Variants in FANCB observed in about 807,000 individuals in gnomAD.
FANCB encodes the protein FA complementation group B.
Under a neutral mutation model 38.9 loss-of-function variants are expected in FANCB, and 5 were observed. The observed-to-expected ratio is 0.13, with a 90% CI of 0.07 to 0.27. FANCB has a LOEUF of 0.27. Among genes scored for constraint, FANCB ranks in the 10% least tolerant of loss-of-function variants. The pLI, the probability that FANCB is intolerant of heterozygous loss-of-function variation, is 1.00. For synonymous variants in FANCB, 236 were observed against 215.4 expected (o/e 1.10, Z -0.84); for missense variants, 573 against 602.7 (o/e 0.95, Z 0.52).
chrX:14,732,049 G>T, the FANCB span, among the ~76,000 whole-genome samples: 1 of 104,005 alleles, frequency 9.6e-6, no homozygotes, highest in Non-Finnish European at 2.0e-5. Context: ...CGACCCCCCC[G>T]ACAGGCCCTG....
the FANCB span, among the ~76,000 whole-genome samples, chrX:14,706,906 T>A: frequency 8.9e-6 from 1 of 112,351 alleles, no homozygotes; most frequent in East Asian, 2.8e-4. Flanking sequence ...AGGGAGTTTA[T>A]AAGGTTTGCT....
At chrX:14,728,444 G>A in the FANCB span, among the ~76,000 whole-genome samples, 1 of 111,686 alleles carries the variant, frequency 9.0e-6, no homozygotes, top group African/African-American at 3.3e-5. Context: ...AGCACTAGGT[G>A]CAGTCATTAA....
chrX:14,856,200 TAG>T (rs2092422532), intron 5 of FANCB, among the ~76,000 whole-genome samples: 1 of 111,977 alleles, frequency 8.9e-6, no homozygotes, highest in Non-Finnish European at 1.9e-5. Context: ...ACCAATATTG[TAG>T]TTTATAAATA....
At chrX:14,812,021 C>A in the FANCB span, among the ~76,000 whole-genome samples, 2 of 111,248 alleles carry the variant, frequency 1.8e-5, no homozygotes, top group Non-Finnish European at 3.8e-5. Context: ...CATTCCAAAC[C>A]GCTCAACTAC....
the FANCB span, among the ~76,000 whole-genome samples, chrX:14,761,133 T>G: frequency 6.2e-5 from 7 of 112,132 alleles, no homozygotes; most frequent in African/African-American, 2.3e-4. Context: ...TTGAATTTTA[T>G]CCCTATAGAG....
chrX:14,795,755 T>C, the FANCB span, among the ~76,000 whole-genome samples: 1 of 112,010 alleles, frequency 8.9e-6, no homozygotes, highest in Admixed American at 9.5e-5. Context: ...CAAAGATGTC[T>C]ACACCATAAA....
At chrX:14,706,786 C>G in the FANCB span, among the ~76,000 whole-genome samples, 1 of 112,263 alleles carries the variant, frequency 8.9e-6, no homozygotes, top group East Asian at 2.8e-4. Context: ...CAAGATTGAA[C>G]AGTGCACACA....
At chrX:14,815,017 G>C in the FANCB span, among the ~76,000 whole-genome samples, 1 of 111,600 alleles carries the variant, frequency 9.0e-6, no homozygotes, top group African/African-American at 3.3e-5. Context: ...CATGTCCTTT[G>C]TAAGGACATG....
chrX:14,801,690 G>A, the FANCB span, among the ~76,000 whole-genome samples: 1 of 110,716 alleles, frequency 9.0e-6, no homozygotes, highest in Non-Finnish European at 1.9e-5. Flanking sequence ...TCTGGGGATC[G>A]TGTTTTTCAA....
the FANCB span, among the ~76,000 whole-genome samples, chrX:14,798,048 G>A: frequency 9.0e-6 from 1 of 111,507 alleles, no homozygotes; most frequent in African/African-American, 3.3e-5. Flanking sequence ...CATGCAAGCG[G>A]GTGTGAAAAC....
At chrX:14,766,026 G>A in the FANCB span, among the ~76,000 whole-genome samples, 1 of 111,344 alleles carries the variant, frequency 9.0e-6, no homozygotes, top group Non-Finnish European at 1.9e-5. Context: ...CTAGGGGCAG[G>A]TATTACTGGA....
At chrX:14,731,484 G>GT in the FANCB span, 1 of 111,666 alleles carries the variant, frequency 9.0e-6, no homozygotes, top group Non-Finnish European at 1.9e-5. Flanking sequence ...TGCTCTCATT[G>GT]TAGGTGTAAC....
In FANCB at chrX:14,862,337, G is replaced by C. The variant is rs1465151765; in HGVS notation, c.951+2223C>G. The C allele has an allele frequency of 4.5e-5, 5 of 111,298 alleles. No individual in the cohort carries two copies. The Admixed American group carries it at 4.8e-4, about 11-fold the overall frequency. The allele number at this position is 111,298 out of a possible 1,213,427, so 9.2% of individuals were successfully genotyped here. On this transcript the variant is annotated intron_variant, in intron 3 of 9. Transcript: ENST00000650831. ...AGTACAGAATTCCTGAAGCACCTTA[G>C]GGGGTAAGTCAGTAGGGACTTAGGT...
chrX:14,783,045 C>T, the FANCB span, among the ~76,000 whole-genome samples: 1 of 111,668 alleles, frequency 9.0e-6, no homozygotes, highest in Non-Finnish European at 1.9e-5. Context: ...AGTTGGATGG[C>T]TGCTCCTGAT....
At chrX:14,872,045 A>C (rs1482041756) in intron 1 of FANCB, among the ~76,000 whole-genome samples, 1 of 111,996 alleles carries the variant, frequency 8.9e-6, no homozygotes, top group East Asian at 2.8e-4. Context: ...CAAAATAAAA[A>C]AATGTAAAAC....
the FANCB span, among the ~76,000 whole-genome samples, chrX:14,711,727 C>G: frequency 7.1e-5 from 8 of 112,539 alleles, no homozygotes; most frequent in Non-Finnish European, 1.5e-4. Flanking sequence ...ACAAAAGAGA[C>G]TGAGGCACGT....
At chrX:14,852,919 T>C (rs1385467710) in intron 6 of FANCB, 120 bp downstream of exon 6, 1 of 611,599 alleles carries the variant, frequency 1.6e-6, no homozygotes, top group African/African-American at 2.3e-5. Context: ...GCTACTTTTC[T>C]TCTTGATCCA....
At chrX:14,781,626 C>A in the FANCB span, among the ~76,000 whole-genome samples, 2 of 110,574 alleles carry the variant, frequency 1.8e-5, no homozygotes, top group Non-Finnish European at 3.8e-5. Flanking sequence ...AGCCCCCAGG[C>A]AAAAAAGTAA....
the FANCB span, among the ~76,000 whole-genome samples, chrX:14,791,388 C>T: frequency 9.0e-6 from 1 of 111,628 alleles, no homozygotes; most frequent in Non-Finnish European, 1.9e-5. Context: ...GGAGAGAGGA[C>T]TAGAACAGAC....
Sources: gnomAD v4.1 joint callset for allele counts (sites outside exome capture counted in the v4.1 genomes callset) on GRCh38, gnomAD v4.1.1 for gene constraint, MANE v1.5 for transcripts, NCBI Gene and HGNC (gene_info 2026-07-23, HGNC 2026-07-21) for gene names.